LRMDA: variants seen among roughly 807,000 people sequenced by gnomAD.
The protein encoded by LRMDA is leucine rich melanocyte differentiation associated, also known as leucine-rich melanocyte differentiation-associated protein.
A neutral mutation model predicts 29.8 loss-of-function variants in LRMDA; 18 were observed. The ratio of observed to expected loss-of-function variants is 0.60; its 90% CI spans 0.42 to 0.90. The LOEUF (loss-of-function observed/expected upper bound fraction) is 0.90. Ranked by LOEUF, LRMDA falls within the 40% of genes least tolerant of loss-of-function variation. LRMDA has a pLI of 0.00. For synonymous variants in LRMDA, 125 were observed against 109.4 expected (o/e 1.14, Z -0.89); for missense variants, 273 against 273.9 (o/e 1.00, Z 0.02).
intron 2 of LRMDA, among the ~76,000 whole-genome samples, chr10:75,620,280 A>G (rs1841165098): frequency 6.6e-6 from 1 of 152,242 alleles, no homozygotes; most frequent in African/African-American, 2.4e-5. Flanking sequence ...TAAAAGTTGT[A>G]CAATTCAGGC....
chr10:76,289,000 C>A (rs1840306243), intron 5 of LRMDA, among the ~76,000 whole-genome samples: 1 of 152,142 alleles, frequency 6.6e-6, no homozygotes, highest in African/African-American at 2.4e-5. Flanking sequence ...TTAATATGTT[C>A]ATTCCACAAG....
At chr10:76,299,793 G>T (rs879266679) in intron 5 of LRMDA, among the ~76,000 whole-genome samples, 3 of 152,060 alleles carry the variant, frequency 2.0e-5, no homozygotes, top group Non-Finnish European at 4.4e-5. Context: ...TTGTAGGAAT[G>T]AATGAGTTTT....
intron 2 of LRMDA, among the ~76,000 whole-genome samples, chr10:75,736,198 G>T (rs1397980399): frequency 6.6e-6 from 1 of 152,196 alleles, no homozygotes; most frequent in Admixed American, 6.5e-5. Flanking sequence ...AGAACAGCAG[G>T]CAAGACTATA....
At chr10:76,160,258 G>A (rs766146056) in intron 5 of LRMDA, among the ~76,000 whole-genome samples, 1 of 150,964 alleles carries the variant, frequency 6.6e-6, no homozygotes, top group Non-Finnish European at 1.5e-5. Flanking sequence ...AACATATTAG[G>A]GTGGTAGATT....
intron 6 of LRMDA, among the ~76,000 whole-genome samples, chr10:76,516,339 T>C (rs187167065): frequency 7.5e-6 from 1 of 132,562 alleles, no homozygotes; most frequent in African/African-American, 2.5e-5. Flanking sequence ...AAGTTTTTTT[T>C]AAAATTATTT....
chr10:75,622,254 A>G (rs1454655027), intron 2 of LRMDA, among the ~76,000 whole-genome samples: 1 of 152,218 alleles, frequency 6.6e-6, no homozygotes, highest in African/African-American at 2.4e-5. Context: ...TCAGACATAG[A>G]CAAAGATGGG....
At chr10:76,549,457 T>C (rs1411216691) in intron 6 of LRMDA, among the ~76,000 whole-genome samples, 1 of 152,198 alleles carries the variant, frequency 6.6e-6, no homozygotes, top group Admixed American at 6.5e-5. Context: ...TGGAGTCAAA[T>C]GCCCTCTTGT....
chr10:76,189,834 T>C (rs1214265492), intron 5 of LRMDA, among the ~76,000 whole-genome samples: 2 of 152,122 alleles, frequency 1.3e-5, no homozygotes, highest in East Asian at 3.9e-4. Flanking sequence ...GCTTGTCTAG[T>C]CTCCTGTCCT....
intron 5 of LRMDA, among the ~76,000 whole-genome samples, chr10:76,059,352 A>G (rs1848668205): frequency 6.6e-6 from 1 of 152,158 alleles, no homozygotes; most frequent in South Asian, 2.1e-4. Flanking sequence ...CCTTTCCTTT[A>G]CCAGCTGAGT....
intron 2 of LRMDA, among the ~76,000 whole-genome samples, chr10:75,660,244 T>C (rs1841734175): frequency 6.6e-6 from 1 of 152,254 alleles, no homozygotes; most frequent in South Asian, 2.1e-4. Flanking sequence ...CCCTGCTGAC[T>C]CTATTTTTTC....
At chr10:76,398,778 T>C (rs1323695459) in intron 6 of LRMDA, among the ~76,000 whole-genome samples, 1 of 152,236 alleles carries the variant, frequency 6.6e-6, no homozygotes, top group Non-Finnish European at 1.5e-5. Flanking sequence ...CTGAGTTTCC[T>C]TAACCTTTTC....
At chr10:75,786,458 T>C (rs1399215280) in intron 2 of LRMDA, among the ~76,000 whole-genome samples, 1 of 152,240 alleles carries the variant, frequency 6.6e-6, no homozygotes, top group Non-Finnish European at 1.5e-5. Flanking sequence ...AGTATTATCC[T>C]TACCCCTCTC....
At chr10:75,772,917 C>T (rs1843264158) in intron 2 of LRMDA, among the ~76,000 whole-genome samples, 1 of 151,568 alleles carries the variant, frequency 6.6e-6, no homozygotes, top group Admixed American at 6.6e-5. Flanking sequence ...CCAGCTTGCC[C>T]TGGGAAGCTT....
At position 76,559,517 on chromosome 10, in the gene LRMDA, T is replaced by C. The variant is rs1327184577; in HGVS notation, c.*2229T>C. 6.6e-6 allele frequency: 1 copy of C among 152,214 alleles called. No individual in the cohort carries two copies. Among genetic ancestry groups the C allele is most frequent in the Non-Finnish European group, 1.5e-5 (1 of 68,040 alleles). The allele number at this position is 152,214 out of a possible 1,614,324, so 9.4% of individuals were successfully genotyped here. ...CAGCTTTGTTTCTCTTAAGCAGGGA[T>C]AGTGATAATGAAGTGCTGGGTTGGT... On this transcript the variant is annotated 3_prime_UTR_variant, in exon 7 of 7. Coordinates refer to ENST00000611255, the MANE Select transcript of LRMDA (RefSeq NM_001305581.2).
chr10:76,120,767 G>A (rs1487024614), intron 5 of LRMDA, among the ~76,000 whole-genome samples: 7 of 151,810 alleles, frequency 4.6e-5, no homozygotes, highest in South Asian at 4.2e-4. Context: ...TGTGAGTGAG[G>A]TAAAATTAGC....
intron 2 of LRMDA, among the ~76,000 whole-genome samples, chr10:75,912,259 A>C (rs913019020): frequency 3.3e-5 from 5 of 151,994 alleles, no homozygotes; most frequent in Non-Finnish European, 5.9e-5. Context: ...TTCTTCCATC[A>C]TCTGTTTCTG....
intron 6 of LRMDA, among the ~76,000 whole-genome samples, chr10:76,513,005 C>T (rs889130219): frequency 3.9e-5 from 6 of 152,024 alleles, no homozygotes; most frequent in African/African-American, 1.4e-4. Context: ...GAAAGTGTAC[C>T]AGTAGTCAAG....
At position 75,493,014 on chromosome 10, in the gene LRMDA, C is replaced by T. The variant is rs76645124; in HGVS notation, c.131+54520C>T. On this transcript the variant is annotated intron_variant, in intron 2 of 6. Transcript: ENST00000611255. Reference sequence around the variant, plus strand: ...GTAAAAGGGACAGTATTGTTCATGGCCTCGGTAAAAGAAAATCTGAATTTT... The same window carrying T: ...GTAAAAGGGACAGTATTGTTCATGGTCTCGGTAAAAGAAAATCTGAATTTT... Among the ~76,000 whole-genome samples, 418 of 152,216 alleles carry T rather than the reference C, an allele frequency of 2.7e-3. 3 individuals are homozygous for T. The highest frequency in any genetic ancestry group is 9.5e-3 in the African/African-American group (393 of 41,530).
At chr10:75,901,469 G>A (rs994379722) in intron 2 of LRMDA, among the ~76,000 whole-genome samples, 5 of 152,174 alleles carry the variant, frequency 3.3e-5, no homozygotes, top group African/African-American at 1.2e-4. Flanking sequence ...AAGAAGACAT[G>A]TGTGTGTCTT....
Sources: allele counts gnomAD v4.1 joint callset (sites outside exome capture counted in the v4.1 genomes callset), GRCh38; gene constraint gnomAD v4.1.1; transcripts MANE v1.5; gene names NCBI Gene and HGNC (gene_info 2026-07-23, HGNC 2026-07-21).